The following DCAF12L2 variants were observed in gnomAD, a reference collection of about 807,000 sequenced individuals.
DCAF12L2 encodes DDB1- and CUL4-associated factor 12-like protein 2.
Under a neutral mutation model 20.2 loss-of-function variants are expected in DCAF12L2, and 16 were observed. The ratio of observed to expected loss-of-function variants is 0.79; its 90% CI spans 0.54 to 1.20. The LOEUF is 1.20. Ranked by LOEUF, DCAF12L2 falls within the 50% of genes most tolerant of loss-of-function variation. The pLI is 0.00. For synonymous variants in DCAF12L2, 195 were observed against 190.0 expected (o/e 1.03, Z -0.22); for missense variants, 355 against 404.8 (o/e 0.88, Z 1.06).
At position 126,165,149 on chromosome X, in the gene DCAF12L2, TTGGTGCTGGCCC is replaced by T; in HGVS notation, c.764_775del (p.Arg255_Thr258del). On this transcript the variant is annotated inframe_deletion, in exon 1 of 1. Coordinates refer to ENST00000360028, the MANE Select transcript of DCAF12L2 (RefSeq NM_001013628.3). Reference sequence around the variant, plus strand: ...GGCCCGTACCTTGCGGTTGCTGGGGTTGGTGCTGGCCCTGGGGATGGCCTCCACATCCCTCGG... The same window carrying T: ...GGCCCGTACCTTGCGGTTGCTGGGGTTGGGGATGGCCTCCACATCCCTCGG... 1.6e-6 allele frequency: 2 copies of T among 1,212,308 alleles called. No individual in the cohort carries two copies. The highest frequency in any genetic ancestry group is 2.2e-6 in the Non-Finnish European group (2 of 895,559).
At position 126,165,116 on chromosome X, in the gene DCAF12L2, A is replaced by C. The variant is rs200667384; in HGVS notation, c.809T>G (p.Phe270Cys). The C allele has an allele frequency of 4.0e-4, 481 of 1,210,663 alleles. No individual in the cohort carries two copies. The highest frequency in any genetic ancestry group is 4.4e-4 in the Non-Finnish European group (394 of 895,147). ...PSNRKVRALA[F>C]SGKNQELGAV... ...TCCCAGCTCCTGGTTCTTGCCGCTG[A>C]AGGCCAGGGCCCGTACCTTGCGGTT... The change falls in exon 1 of 1, where the codon TTC becomes TGC. Residue 270 changes from phenylalanine (F) to cysteine (C), a missense_variant. Transcript: ENST00000360028.
At position 126,164,973 on chromosome X, in the gene DCAF12L2, A is replaced by G; in HGVS notation, c.952T>C (p.Leu318=). 2 of 1,212,121 alleles carry G rather than the reference A, an allele frequency of 1.7e-6. No individual in the cohort carries two copies. The highest frequency in any genetic ancestry group is 2.2e-6 in the Non-Finnish European group (2 of 895,586). Residue 318 remains leucine (L), a synonymous_variant, in exon 1 of 1, where the codon TTG becomes CTG. Transcript: ENST00000360028. ...ENVCLTYCDE[L]SLYAVGSQSH... is the part of the protein sequence containing the mutation. ...TGAGAGCCCACAGCGTACAGGGACA[A>G]CTCATCACAGTAGGTCAGGCACACA...
Position 126,165,092 on chromosome X carries a change from C to T in DCAF12L2, c.833G>A (p.Gly278Glu). The T allele has an allele frequency of 8.3e-7, 1 of 1,211,987 alleles. No individual in the cohort carries two copies. Among genetic ancestry groups the T allele is most frequent in the Non-Finnish European group, 1.1e-6 (1 of 895,399 alleles). ...GAAGTAGCCGTCCAAGGACACCGCTCCCAGCTCCTGGTTCTTGCCGCTGAA... is the reference window on the plus strand; with the variant it reads ...GAAGTAGCCGTCCAAGGACACCGCTTCCAGCTCCTGGTTCTTGCCGCTGAA... ...LAFSGKNQEL[G>E]AVSLDGYFHL... The change falls in exon 1 of 1, where the codon GGA becomes GAA. Residue 278 changes from glycine to glutamate, a missense_variant. Gly to Glu is a moderately conservative substitution (Grantham distance 98). Coordinates refer to ENST00000360028, the MANE Select transcript of DCAF12L2 (RefSeq NM_001013628.3).
rs941452537 is a variant in DCAF12L2 at position 126,164,291 on chromosome X, G to A, written c.*242C>T. On this transcript the variant is annotated 3_prime_UTR_variant, in exon 1 of 1. Coordinates refer to ENST00000360028, the MANE Select transcript of DCAF12L2 (RefSeq NM_001013628.3). ...AGAAGGCAAAAATATACTGCTGTTG[G>A]GAAACGTGAATGAGAGTTTTAAAGC... The A allele has an allele frequency of 5.4e-5, 20 of 370,908 alleles. No homozygotes were observed. Among genetic ancestry groups the A allele is most frequent in the East Asian group, 1.3e-4 (3 of 23,535 alleles). 30.6% of individuals were successfully genotyped at this position (370,908 alleles called of 1,213,427 possible).
chrX:126,165,655 G>C lies in DCAF12L2; in HGVS notation c.270C>G (p.Arg90=), dbSNP rs1430472465. 10 of 1,211,873 alleles carry C rather than the reference G, an allele frequency of 8.3e-6. No homozygotes were observed. Among genetic ancestry groups the C allele is most frequent in the Non-Finnish European group, 1.1e-5 (10 of 895,511 alleles). The part of the protein sequence containing the change: ...VQRLPELLTE[R]QLDLGTLNKV... ...TGTTGAGGGTGCCCAGGTCCAGCTG[G>C]CGCTCCGTCAGCAGCTCGGGCAGCC... Residue 90 remains arginine, a synonymous_variant, in exon 1 of 1, where the codon CGC becomes CGG. Coordinates refer to ENST00000360028, the MANE Select transcript of DCAF12L2 (RefSeq NM_001013628.3).
Position 126,165,951 on chromosome X carries a change from CGG to C in DCAF12L2, c.-29_-28del. 1 of 752,277 alleles carries C rather than the reference CGG, an allele frequency of 1.3e-6. No individual in the cohort carries two copies. Among genetic ancestry groups the C allele is most frequent in the Non-Finnish European group, 1.6e-6 (1 of 623,175 alleles). 62.0% of individuals were successfully genotyped at this position (752,277 alleles called of 1,213,427 possible). ...GTGGGCGGCGGGCGATCTGCAGCAG[CGG>C]CGGCGGCGGCGGCGGCGGCGGCGGC... On this transcript the variant is annotated 5_prime_UTR_variant, in exon 1 of 1. Transcript: ENST00000360028.
chrX:126,165,946 A>AGCAGCG lies in DCAF12L2; in HGVS notation c.-28_-23dup. The AGCAGCG allele has an allele frequency of 9.9e-7, 1 of 1,008,800 alleles. No individual in the cohort carries two copies. Among genetic ancestry groups the AGCAGCG allele is most frequent in the South Asian group, 3.8e-5 (1 of 26,453 alleles). 83.1% of individuals were successfully genotyped at this position (1,008,800 alleles called of 1,213,427 possible). On this transcript the variant is annotated 5_prime_UTR_variant, in exon 1 of 1. Transcript: ENST00000360028. ...CCATGGTGGGCGGCGGGCGATCTGC[A>AGCAGCG]GCAGCGGCGGCGGCGGCGGCGGCGG...
rs1435857471 is a variant in DCAF12L2, at chrX:126,164,785, C to T, written c.1140G>A (p.Gln380=). 2 of 1,212,459 alleles carry T rather than the reference C, an allele frequency of 1.6e-6. No individual in the cohort carries two copies. ...GSLLFYDIRA[Q]KFLEERASSS... ...AAGAGGCCCTCTCCTCCAGGAACTT[C>T]TGGGCGCGGATGTCATAGAAGAGCA... is the stretch of plus-strand genomic sequence containing the variant. The change falls in exon 1 of 1, where the codon CAG becomes CAA. Residue 380 remains glutamine (Q), a synonymous_variant. Transcript: ENST00000360028.
In DCAF12L2 at chrX:126,164,452, A is replaced by C; in HGVS notation, c.*81T>G. The C allele has an allele frequency of 9.0e-7, 1 of 1,116,556 alleles. No homozygotes were observed. Among genetic ancestry groups the C allele is most frequent in the Non-Finnish European group, 1.2e-6 (1 of 842,170 alleles). The allele number at this position is 1,116,556 out of a possible 1,213,427, so 92.0% of individuals were successfully genotyped here. A position where few individuals can be genotyped will look rare whatever the true frequency, so the allele number is the denominator to read the frequency against. On this transcript the variant is annotated 3_prime_UTR_variant, in exon 1 of 1. Coordinates refer to ENST00000360028, the MANE Select transcript of DCAF12L2 (RefSeq NM_001013628.3). ...AAGACAAAAGCCACACAAAGTTAAA[A>C]GCACAAATGCAGCATGAAGAAGGAA...
rs753211274 is a variant in DCAF12L2, at chrX:126,165,854, G to C, written c.71C>G (p.Ser24Trp). 5.0e-6 allele frequency: 6 copies of C among 1,204,742 alleles called. No homozygotes were observed. Among genetic ancestry groups the C allele is most frequent in the Non-Finnish European group, 6.7e-6 (6 of 894,381 alleles). ...PAVEAGAGSS[S>W]SQGLAAADGE... ...GTCCGCCGCCGCTAAACCCTGCGACGACGAGCTCCCGGCTCCCGCCTCGAC... is the reference window on the plus strand; with the variant it reads ...GTCCGCCGCCGCTAAACCCTGCGACCACGAGCTCCCGGCTCCCGCCTCGAC... Residue 24 changes from serine (S) to tryptophan (W), a missense_variant, in exon 1 of 1, where the codon TCG becomes TGG. Physicochemically the swap from Ser to Trp is radical, Grantham distance 177. Coordinates refer to ENST00000360028, the MANE Select transcript of DCAF12L2 (RefSeq NM_001013628.3).
At position 126,164,790 on chromosome X, in the gene DCAF12L2, C is replaced by A. The variant is rs776346189; in HGVS notation, c.1135G>T (p.Ala379Ser). The A allele has an allele frequency of 8.2e-7, 1 of 1,212,348 alleles. No individual in the cohort carries two copies. Among genetic ancestry groups the A allele is most frequent in the Non-Finnish European group, 1.1e-6 (1 of 895,602 alleles). Residue 379 changes from alanine to serine, a missense_variant, in exon 1 of 1, where the codon GCC (alanine) becomes TCC (serine). Coordinates refer to ENST00000360028, the MANE Select transcript of DCAF12L2 (RefSeq NM_001013628.3). ...GCCCTCTCCTCCAGGAACTTCTGGG[C>A]GCGGATGTCATAGAAGAGCAGGGAA... ...HGSLLFYDIR[A>S]QKFLEERASS...
At position 126,165,767 on chromosome X, in the gene DCAF12L2, T is replaced by C; in HGVS notation, c.158A>G (p.His53Arg). 1 of 1,208,953 alleles carries C rather than the reference T, an allele frequency of 8.3e-7. No individual in the cohort carries two copies. The highest frequency in any genetic ancestry group is 1.8e-5 in the South Asian group (1 of 56,938). Residue 53 changes from histidine (H) to arginine (R), a missense_variant, in exon 1 of 1, where the codon CAC becomes CGC. Transcript: ENST00000360028. ...TCCTACCTCCCGGCCCTTCAGATAG[T>C]GCACCAGCCTGCGACGCGTCGCCGG... ...KRPATRRRLV[H>R]YLKGREVGAR...
rs1265563662 is a variant in DCAF12L2 at position 126,165,972 on chromosome X, CGGCGGCGGCCCGGCGGCGGT to C, written c.-68_-49del. 7.0e-6 allele frequency: 6 copies of C among 855,424 alleles called. No homozygotes were observed. Among genetic ancestry groups the C allele is most frequent in the Non-Finnish European group, 5.7e-6 (4 of 706,394 alleles). 70.5% of individuals were successfully genotyped at this position (855,424 alleles called of 1,213,427 possible). A position where few individuals can be genotyped will look rare whatever the true frequency, so the allele number is the denominator to read the frequency against. ...GCAGCGGCGGCGGCGGCGGCGGCGG[CGGCGGCGGCCCGGCGGCGGT>C]GGCGGCGCGTGGCACCCGTGTTGGC... On this transcript the variant is annotated 5_prime_UTR_variant, in exon 1 of 1. Coordinates refer to ENST00000360028, the MANE Select transcript of DCAF12L2 (RefSeq NM_001013628.3).
At position 126,165,079 on chromosome X, in the gene DCAF12L2, C is replaced by A; in HGVS notation, c.846G>T (p.Leu282Phe). The part of the protein sequence containing the change: ...GKNQELGAVS[L>F]DGYFHLWKAR... ...CTTTCCACAGGTGGAAGTAGCCGTCCAAGGACACCGCTCCCAGCTCCTGGT... is the reference window on the plus strand; with the variant it reads ...CTTTCCACAGGTGGAAGTAGCCGTCAAAGGACACCGCTCCCAGCTCCTGGT... Residue 282 changes from leucine (L) to phenylalanine (F), a missense_variant, in exon 1 of 1, where the codon TTG becomes TTT. Coordinates refer to ENST00000360028, the MANE Select transcript of DCAF12L2 (RefSeq NM_001013628.3). The A allele has an allele frequency of 8.3e-7, 1 of 1,211,945 alleles. No homozygotes were observed. The highest frequency in any genetic ancestry group is 1.1e-6 in the Non-Finnish European group (1 of 895,430).
Position 126,164,965 on chromosome X carries a change from C to G in DCAF12L2, c.960G>C (p.Leu320=), listed in dbSNP as rs201240127. ...CGTGGGACTGAGAGCCCACAGCGTA[C>G]AGGGACAACTCATCACAGTAGGTCA... is the stretch of plus-strand genomic sequence containing the variant. ...VCLTYCDELS[L]YAVGSQSHVS... is the part of the protein sequence containing the mutation. Residue 320 remains leucine (L), a synonymous_variant, in exon 1 of 1, where the codon CTG becomes CTC. Coordinates refer to ENST00000360028, the MANE Select transcript of DCAF12L2 (RefSeq NM_001013628.3). 1.1e-4 allele frequency: 132 copies of G among 1,211,279 alleles called. No individual in the cohort carries two copies. In the East Asian group the frequency reaches 3.4e-3, roughly 31 times the overall value.
rs1180010085 is a variant in DCAF12L2 at position 126,166,261 on chromosome X, C to A, written c.-337G>T. Among the ~76,000 whole-genome samples the A allele has an allele frequency of 3.6e-5, 4 of 110,149 alleles. No homozygotes were observed. The highest frequency in any genetic ancestry group is 7.6e-5 in the Non-Finnish European group (4 of 52,625). On this transcript the variant is annotated 5_prime_UTR_variant, in exon 1 of 1. Transcript: ENST00000360028. ...AGGCGAGAGCGGGAAGAGTGTCTGT[C>A]TGGATGGCTGCGGGAGCGAAGTCAG...
In DCAF12L2 at chrX:126,165,531, G is replaced by A. The variant is rs751386010; in HGVS notation, c.394C>T (p.Arg132Cys). The change falls in exon 1 of 1, where the codon CGC (arginine) becomes TGC (cysteine). Residue 132 changes from arginine to cysteine, a missense_variant. By Grantham distance (180) the Arg-to-Cys change is radical. Coordinates refer to ENST00000360028, the MANE Select transcript of DCAF12L2 (RefSeq NM_001013628.3). The part of the protein sequence containing the change: ...VVDVQSGHIT[R>C]IPLMRDKEAG... Reference sequence around the variant, plus strand: ...TCCTTGTCCCGCATGAGGGGGATGCGCGTGATGTGGCCTGACTGCACGTCC... The same window carrying A: ...TCCTTGTCCCGCATGAGGGGGATGCACGTGATGTGGCCTGACTGCACGTCC... The A allele has an allele frequency of 5.0e-6, 6 of 1,211,357 alleles. No homozygotes were observed. Among genetic ancestry groups the A allele is most frequent in the African/African-American group, 3.5e-5 (2 of 57,629 alleles).
In DCAF12L2 at chrX:126,164,816, C is replaced by T. The variant is rs1257251155; in HGVS notation, c.1109G>A (p.Gly370Asp). 1 of 1,212,366 alleles carries T rather than the reference C, an allele frequency of 8.2e-7. No individual in the cohort carries two copies. Among genetic ancestry groups the T allele is most frequent in the African/African-American group, 1.7e-5 (1 of 58,010 alleles). ...QHIITVGTGH[G>D]SLLFYDIRAQ... ...GCGGATGTCATAGAAGAGCAGGGAACCATGGCCGGTGCCCACAGTGATGAT... is the reference window on the plus strand; with the variant it reads ...GCGGATGTCATAGAAGAGCAGGGAATCATGGCCGGTGCCCACAGTGATGAT... The change falls in exon 1 of 1, where the codon GGT becomes GAT. Residue 370 changes from glycine to aspartate, a missense_variant. Coordinates refer to ENST00000360028, the MANE Select transcript of DCAF12L2 (RefSeq NM_001013628.3).
Position 126,163,911 on chromosome X carries a change from T to C in DCAF12L2, c.*622A>G, listed in dbSNP as rs1049859057. 2 of 112,333 alleles carry C rather than the reference T, an allele frequency of 1.8e-5. No homozygotes were observed. Among genetic ancestry groups the C allele is most frequent in the Non-Finnish European group, 3.7e-5 (2 of 53,360 alleles). The allele number at this position is 112,333 out of a possible 1,213,427, so 9.3% of individuals were successfully genotyped here. A position where few individuals can be genotyped will look rare whatever the true frequency, so the allele number is the denominator to read the frequency against. On this transcript the variant is annotated 3_prime_UTR_variant, in exon 1 of 1. Transcript: ENST00000360028. ...TTTAAAGCATTTTACACATCAACACTATACAAACAACAGACATTGAGTTTC... is the reference window on the plus strand; with the variant it reads ...TTTAAAGCATTTTACACATCAACACCATACAAACAACAGACATTGAGTTTC...
Sources: gnomAD v4.1 joint callset for allele counts (sites outside exome capture counted in the v4.1 genomes callset) on GRCh38, gnomAD v4.1.1 for gene constraint, MANE v1.5 for transcripts, NCBI Gene and HGNC (gene_info 2026-07-23, HGNC 2026-07-21) for gene names.